The following CLTC variants were observed in gnomAD, a reference collection of about 807,000 sequenced individuals.
CLTC encodes the protein clathrin heavy chain 1.
A neutral mutation model predicts 195.8 loss-of-function variants in CLTC; 16 were observed. That is an observed-to-expected ratio of 0.08 (90% CI 0.06 to 0.12). The LOEUF is 0.12. Among genes scored for constraint, CLTC ranks in the 10% least tolerant of loss-of-function variants. CLTC has a pLI of 1.00. For synonymous variants in CLTC, 667 were observed against 689.4 expected (o/e 0.97, Z 0.51); for missense variants, 796 against 2,027.0 (o/e 0.39, Z 11.66).
intron 9 of CLTC, 28 bp from the exon 10 acceptor site, chr17:59,664,759 C>T: frequency 6.3e-7 from 1 of 1,598,418 alleles, no homozygotes; most frequent in Non-Finnish European, 8.5e-7. Flanking sequence ...AACTTAGGAG[C>T]AGCGTTTAAG....
chr17:59,633,703 C>G (rs2031787981), intron 1 of CLTC, among the ~76,000 whole-genome samples: 1 of 152,000 alleles, frequency 6.6e-6, no homozygotes, highest in African/African-American at 2.4e-5. Flanking sequence ...ATGGGGTTGA[C>G]AGAATGTAAC....
chr17:59,684,562 T>G (rs2143598832), intron 28 of CLTC: 1 of 153,760 alleles, frequency 6.5e-6, no homozygotes, highest in Non-Finnish European at 1.4e-5. Flanking sequence ...TCCCAGCACT[T>G]TGGGAGGCCA....
At chr17:59,693,081 T>C (rs1050973522) in intron 31 of CLTC, among the ~76,000 whole-genome samples, 5 of 152,190 alleles carry the variant, frequency 3.3e-5, no homozygotes, top group Non-Finnish European at 7.3e-5. Context: ...AAACATGTCA[T>C]TTAGACCAAG....
intron 1 of CLTC, among the ~76,000 whole-genome samples, chr17:59,628,511 T>C (rs1011930267): frequency 2.6e-5 from 4 of 152,326 alleles, no homozygotes; most frequent in South Asian, 4.1e-4. Context: ...TACCCAGTTA[T>C]TGAAGCCAAG....
At chr17:59,624,721 G>C (rs1458472878) in intron 1 of CLTC, among the ~76,000 whole-genome samples, 2 of 151,938 alleles carry the variant, frequency 1.3e-5, no homozygotes, top group East Asian at 3.9e-4. Context: ...TGCCCACCTC[G>C]ACCTCCCAAA....
intron 8 of CLTC, 35 bp from the exon 9 acceptor site, chr17:59,663,807 T>C (rs753836771): frequency 6.9e-6 from 11 of 1,594,734 alleles, no homozygotes; most frequent in Non-Finnish European, 7.7e-6. Context: ...AAACAGTTCA[T>C]GGATCACTAA....
chr17:59,679,623 CTA>C (rs767777255), intron 18 of CLTC, 104 bp downstream of exon 18: 83 of 1,036,298 alleles, frequency 8.0e-5, no homozygotes, highest in Non-Finnish European at 1.1e-4. Flanking sequence ...TCATATATAA[CTA>C]TGAGAGAAAG....
chr17:59,692,356 T>C (rs2033324393), intron 31 of CLTC, among the ~76,000 whole-genome samples: 2 of 152,240 alleles, frequency 1.3e-5, no homozygotes, highest in Admixed American at 1.3e-4. Context: ...ATTTGTTTGC[T>C]GAAGACAGCT....
intron 1 of CLTC, among the ~76,000 whole-genome samples, chr17:59,632,659 A>G (rs980780098): frequency 6.6e-6 from 1 of 152,154 alleles, no homozygotes. Context: ...AAACAAAAAA[A>G]TCCCTAAAAC....
At chr17:59,655,307 AAC>A (rs1443855347) in intron 5 of CLTC, among the ~76,000 whole-genome samples, 1 of 152,214 alleles carries the variant, frequency 6.6e-6, no homozygotes, top group Non-Finnish European at 1.5e-5. Context: ...GAGCAGTCAG[AAC>A]ACACACAATA....
intron 1 of CLTC, among the ~76,000 whole-genome samples, chr17:59,642,878 A>G (rs1258730390): frequency 6.6e-6 from 1 of 152,240 alleles, no homozygotes; most frequent in African/African-American, 2.4e-5. Flanking sequence ...TTGAGATAGA[A>G]GAGTGAAGAG....
chr17:59,642,375 T>C (rs1024826811), intron 1 of CLTC, among the ~76,000 whole-genome samples: 5 of 152,218 alleles, frequency 3.3e-5, no homozygotes, highest in Admixed American at 2.6e-4. Flanking sequence ...CTCAGTGCCT[T>C]AGATGAAGGC....
At chr17:59,690,583 C>A in intron 30 of CLTC, 53 bp from the exon 31 acceptor site, 2 of 1,302,116 alleles carry the variant, frequency 1.5e-6, no homozygotes, top group Non-Finnish European at 1.1e-6. Context: ...TGCCATAAAC[C>A]TAGGTTTATA....
intron 8 of CLTC, among the ~76,000 whole-genome samples, 191 bp downstream of exon 8, chr17:59,661,834 GGC>G (rs1319014031): frequency 1.3e-5 from 2 of 152,138 alleles, no homozygotes; most frequent in African/African-American, 4.8e-5. Context: ...CGGGCATGGT[GGC>G]TCAGGCCTGT....
chr17:59,625,901 ATCTC>A, intron 1 of CLTC, among the ~76,000 whole-genome samples: 1 of 152,146 alleles, frequency 6.6e-6, no homozygotes, highest in Non-Finnish European at 1.5e-5. Context: ...GGGCATACTT[ATCTC>A]ACAAAGTTAT....
rs76282736 is a variant in CLTC, at chr17:59,671,158, T to C, written c.2292+2218T>C. 8 of 152,318 alleles carry C rather than the reference T, an allele frequency of 5.3e-5. No individual in the cohort carries two copies. In the East Asian group the frequency reaches 1.3e-3, roughly 26 times the overall value. The allele number at this position is 152,318 out of a possible 1,614,324, so 9.4% of individuals were successfully genotyped here. A position where few individuals can be genotyped will look rare whatever the true frequency, so the allele number is the denominator to read the frequency against. ...GGCAAGTATTTATTTCTCTTTGATA[T>C]CAATTTGTACTTGACTCTTTGAAGG... On this transcript the variant is annotated intron_variant, in intron 14 of 31. Coordinates refer to ENST00000269122, the MANE Select transcript of CLTC (RefSeq NM_004859.4).
chr17:59,657,755 A>G (rs897150980), intron 6 of CLTC, among the ~76,000 whole-genome samples: 66 of 149,724 alleles, frequency 4.4e-4, no homozygotes, highest in Admixed American at 1.1e-3. Flanking sequence ...ATGACAGAGC[A>G]AGACTCTGTC....
Position 59,696,414 on chromosome 17 carries a change from G to A in CLTC, c.*2562G>A, listed in dbSNP as rs1033256578. The A allele has an allele frequency of 9.1e-6, 2 of 218,598 alleles. No homozygotes were observed. Among genetic ancestry groups the A allele is most frequent in the Admixed American group, 1.2e-4 (2 of 17,292 alleles). 13.5% of individuals were successfully genotyped at this position (218,598 alleles called of 1,614,324 possible). On this transcript the variant is annotated 3_prime_UTR_variant, in exon 32 of 32. Coordinates refer to ENST00000269122, the MANE Select transcript of CLTC (RefSeq NM_004859.4). ...TTATATTGCAGTTAACCATAGAGAG[G>A]TGGAGCCACTTAAAATGGGCCTATT... is the stretch of plus-strand genomic sequence containing the variant.
At position 59,681,447 on chromosome 17, in the gene CLTC, G is replaced by A. The variant is rs1472070336; in HGVS notation, c.3218G>A (p.Arg1073Gln). ...TTTGAAGAAGCATTTGCCATTTTCC[G>A]GAAATTTGATGTCAATACTTCAGCA... ...ELFEEAFAIF[R>Q]KFDVNTSAVQ... Residue 1073 changes from arginine to glutamine, a missense_variant, in exon 20 of 32, where the codon CGG becomes CAG. This residue lies in a region of CLTC where 160 missense variants were observed against 448.2 expected (regional missense o/e 0.36). Transcript: ENST00000269122. This position sits in a 1 kb window ranked among gnomAD's most constrained non-coding sequence, Gnocchi z 5.0. 4 of 1,613,808 alleles carry A rather than the reference G, an allele frequency of 2.5e-6. No individual in the cohort carries two copies. Among genetic ancestry groups the A allele is most frequent in the Admixed American group, 1.7e-5 (1 of 59,972 alleles).
Sources: allele counts gnomAD v4.1 joint callset (sites outside exome capture counted in the v4.1 genomes callset), GRCh38; gene constraint gnomAD v4.1.1; regional missense constraint gnomAD v4.1.1; non-coding constraint Gnocchi (gnomAD v3.1); transcripts MANE v1.5; gene names NCBI Gene and HGNC (gene_info 2026-07-23, HGNC 2026-07-21).